ALS2: variants seen among roughly 807,000 people sequenced by gnomAD.
ALS2 encodes the protein alsin Rho guanine nucleotide exchange factor ALS2, also known as alsin.
ALS2 carries 117 observed loss-of-function variants against 203.4 expected under a neutral mutation model. The ratio of observed to expected loss-of-function variants is 0.58; its 90% CI spans 0.50 to 0.67. The LOEUF is 0.67. ALS2 is among the 30% of genes least tolerant of loss of function. The probability of loss-of-function intolerance (pLI) is 0.00; values close to 1 mark genes in which losing one functional copy is unlikely to be tolerated. For missense variants in ALS2, 1,715 were observed against 1,989.4 expected (o/e 0.86, Z 2.62); for synonymous variants, 718 against 725.9 (o/e 0.99, Z 0.17).
Position 201,746,843 on chromosome 2 carries a change from G to A in ALS2, c.1816-95C>T, listed in dbSNP as rs565643006. The stretch of plus-strand genomic sequence containing the variant: ...CTGAAACGTTAGGTTGCTTAAATAA[G>A]CGTGGTGCAGTCAGTCATATCTGAG... On this transcript the variant is annotated intron_variant, in intron 8 of 33. Coordinates refer to ENST00000264276, the MANE Select transcript of ALS2 (RefSeq NM_020919.4). The A allele has an allele frequency of 2.6e-4, 365 of 1,404,548 alleles. 1 individual carries two copies. Among genetic ancestry groups the A allele is most frequent in the Non-Finnish European group, 3.4e-4 (338 of 1,000,014 alleles). 87.0% of individuals were successfully genotyped at this position (1,404,548 alleles called of 1,614,324 possible). A position where few individuals can be genotyped will look rare whatever the true frequency, so the allele number is the denominator to read the frequency against.
intron 27 of ALS2, 143 bp from the exon 28 acceptor site, chr2:201,708,134 C>T (rs1223157511): frequency 3.2e-5 from 23 of 713,652 alleles, no homozygotes; most frequent in Non-Finnish European, 4.7e-5. Flanking sequence ...ATGTTTCTAA[C>T]AGGATAAAAT....
At chr2:201,760,556 T>C in intron 4 of ALS2, 1 of 1,086,598 alleles carries the variant, frequency 9.2e-7, no homozygotes, top group Non-Finnish European at 1.1e-6. Context: ...CTAGTTATAT[T>C]AAACTATTCA....
chr2:201,750,931 G>A (rs1260531135), intron 7 of ALS2, among the ~76,000 whole-genome samples: 3 of 146,976 alleles, frequency 2.0e-5, no homozygotes, highest in South Asian at 4.2e-4. Context: ...TTGGCTCACT[G>A]CAACCTCCGC....
chr2:201,729,879 CAAAAAAAA>C (rs35065446), intron 13 of ALS2, among the ~76,000 whole-genome samples: 1 of 75,218 alleles, frequency 1.3e-5, no homozygotes. Context: ...GACTCCGTCT[CAAAAAAAA>C]AAAAAAAAAA....
At chr2:201,769,195 C>G (rs1246531357) in intron 1 of ALS2, among the ~76,000 whole-genome samples, 1 of 152,114 alleles carries the variant, frequency 6.6e-6, no homozygotes, top group Admixed American at 6.5e-5. Flanking sequence ...CACAATTAAG[C>G]TGTACTCTTC....
At chr2:201,709,434 G>A (rs981227932) in intron 27 of ALS2, among the ~76,000 whole-genome samples, 2 of 152,134 alleles carry the variant, frequency 1.3e-5, no homozygotes, top group African/African-American at 4.8e-5. Context: ...TAGAATGATG[G>A]CTATTACATA....
intron 10 of ALS2, 50 bp from the exon 11 acceptor site, chr2:201,741,904 CTTT>C (rs1692294795): frequency 5.5e-6 from 8 of 1,463,878 alleles, no homozygotes; most frequent in Non-Finnish European, 7.6e-6. Context: ...AAACCGATCA[CTTT>C]ATTATGATGT....
At chr2:201,730,704 T>G (rs2106017156) in intron 13 of ALS2, among the ~76,000 whole-genome samples, 1 of 152,240 alleles carries the variant, frequency 6.6e-6, no homozygotes, top group South Asian at 2.1e-4. Context: ...TGCTTTTTCT[T>G]GAAAAACTGC....
chr2:201,779,257 G>GT (rs1199219178), intron 1 of ALS2, among the ~76,000 whole-genome samples: 1 of 151,950 alleles, frequency 6.6e-6, no homozygotes, highest in African/African-American at 2.4e-5. Flanking sequence ...CTCAAGTTTT[G>GT]TTTTTTTCCC....
rs982235798 is a variant in ALS2, at chr2:201,780,912, G to C, written c.-96C>G. 6.6e-6 allele frequency: 1 copy of C among 152,658 alleles called. No homozygotes were observed. Among genetic ancestry groups the C allele is most frequent in the Admixed American group, 6.5e-5 (1 of 15,282 alleles). 9.5% of individuals were successfully genotyped at this position (152,658 alleles called of 1,614,324 possible). A position where few individuals can be genotyped will look rare whatever the true frequency, so the allele number is the denominator to read the frequency against. On this transcript the variant is annotated 5_prime_UTR_variant, in exon 1 of 34. Transcript: ENST00000264276. ...ACCGGCAGCACCGCGCTCCGCATCC[G>C]GCGCGAGCTTGGCAACCCAGTGGGT...
rs749771961 is a variant in ALS2 at position 201,727,236 on chromosome 2, G to C, written c.2955C>G (p.Leu985=). 4 of 1,613,336 alleles carry C rather than the reference G, an allele frequency of 2.5e-6. No individual in the cohort carries two copies. Among genetic ancestry groups the C allele is most frequent in the Non-Finnish European group, 3.4e-6 (4 of 1,179,628 alleles). ...KITTPEEQFT[L]ISSTPQEKTK... ...CCTTTTCCTGGGGTGTAGATGAAAT[G>C]AGAGTGAACTGCTCCTCAGGTGTAG... is the stretch of plus-strand genomic sequence containing the variant. Residue 985 remains leucine (L), a synonymous_variant, in exon 17 of 34, where the codon CTC becomes CTG. Coordinates refer to ENST00000264276, the MANE Select transcript of ALS2 (RefSeq NM_020919.4).
At chr2:201,723,145 T>C in intron 22 of ALS2, 25 bp from the exon 23 acceptor site, 1 of 1,572,194 alleles carries the variant, frequency 6.4e-7, no homozygotes, top group Non-Finnish European at 8.8e-7. Context: ...AAGAGAAAAA[T>C]TACAACACAT....
chr2:201,715,592 G>T, intron 25 of ALS2, 80 bp downstream of exon 25: 1 of 1,510,870 alleles, frequency 6.6e-7, no homozygotes, highest in Non-Finnish European at 9.2e-7. Context: ...AATTAAATGT[G>T]GTGAGCCTTG....
rs760020963 is a variant in ALS2 at position 201,754,544 on chromosome 2, T to C, written c.1599A>G (p.Lys533=). The C allele has an allele frequency of 3.7e-6, 6 of 1,614,114 alleles. No individual in the cohort carries two copies. Among genetic ancestry groups the C allele is most frequent in the Middle Eastern group, 3.3e-4 (2 of 6,062 alleles). Reference sequence around the variant, plus strand: ...CGTGCCCCAGCTGCCCTTCCTTCCCTTTCCCCCAGGTCCACACTTCTGTTC... The same window carrying C: ...CGTGCCCCAGCTGCCCTTCCTTCCCCTTCCCCCAGGTCCACACTTCTGTTC... ...SLRTEVWTWG[K]GKEGQLGHGD... The change falls in exon 6 of 34, where the codon AAA becomes AAG. Residue 533 remains lysine, a synonymous_variant. Transcript: ENST00000264276.
chr2:201,767,819 G>A (rs1694174346), intron 2 of ALS2, among the ~76,000 whole-genome samples: 1 of 137,122 alleles, frequency 7.3e-6, no homozygotes, highest in African/African-American at 2.7e-5. Context: ...AGTGAGCCAA[G>A]ATCTTGCCAC....
chr2:201,738,872 T>C, intron 11 of ALS2, 137 bp from the exon 12 acceptor site: 2 of 757,404 alleles, frequency 2.6e-6, no homozygotes, highest in Non-Finnish European at 4.6e-6. Flanking sequence ...TCAACATTTG[T>C]GAAGGGCAGG....
chr2:201,775,411 T>C (rs1008273681), intron 1 of ALS2, among the ~76,000 whole-genome samples: 3 of 152,226 alleles, frequency 2.0e-5, no homozygotes, highest in African/African-American at 4.8e-5. Flanking sequence ...AGTTTACACT[T>C]TGCAGTAAAC....
chr2:201,719,230 G>GT (rs1475798286), intron 23 of ALS2, among the ~76,000 whole-genome samples: 2 of 152,248 alleles, frequency 1.3e-5, no homozygotes, highest in East Asian at 1.9e-4. Flanking sequence ...TGTGATGGTA[G>GT]TAAGAGGTGG....
chr2:201,742,175 G>A (rs754132252), intron 10 of ALS2, among the ~76,000 whole-genome samples: 1 of 152,200 alleles, frequency 6.6e-6, no homozygotes, highest in Non-Finnish European at 1.5e-5. Flanking sequence ...TGGTCATTTT[G>A]AAGATAAGTA....
Sources: allele counts gnomAD v4.1 joint callset (sites outside exome capture counted in the v4.1 genomes callset), GRCh38; gene constraint gnomAD v4.1.1; transcripts MANE v1.5; gene names NCBI Gene and HGNC (gene_info 2026-07-23, HGNC 2026-07-21).